Variants in CACNA1B observed in about 807,000 individuals in gnomAD.
The protein encoded by CACNA1B is calcium voltage-gated channel subunit alpha1 B.
A neutral mutation model predicts 247.2 loss-of-function variants in CACNA1B; 70 were observed. The observed-to-expected ratio is 0.28, with a 90% CI of 0.23 to 0.35. CACNA1B has a LOEUF of 0.35. Ranked by LOEUF, CACNA1B falls within the 10% of genes least tolerant of loss-of-function variation. CACNA1B has a pLI of 1.00. For missense variants in CACNA1B, 2,367 were observed against 3,197.4 expected (o/e 0.74, Z 6.26); for synonymous variants, 1,231 against 1,294.4 (o/e 0.95, Z 1.05).
chr9:137,930,541 G>A (rs1957596673), intron 6 of CACNA1B, among the ~76,000 whole-genome samples: 1 of 152,056 alleles, frequency 6.6e-6, no homozygotes, highest in Non-Finnish European at 1.5e-5. Context: ...TTATTTTGTG[G>A]GCACTTGGAA....
chr9:138,038,194 A>G lies in CACNA1B; in HGVS notation c.3287-5580A>G, dbSNP rs935951759. Among the ~76,000 whole-genome samples the G allele has an allele frequency of 2.6e-5, 4 of 152,142 alleles. No individual in the cohort carries two copies. In the East Asian group the frequency reaches 7.7e-4, roughly 29 times the overall value. On this transcript the variant is annotated intron_variant, in intron 20 of 46. Coordinates refer to ENST00000371372, the MANE Select transcript of CACNA1B (RefSeq NM_000718.4). ...TGACGTATTTCAGTTCTTTGCAATCACTATTACTTTTGGTGCTTAAATTGT... is the reference window on the plus strand; with the variant it reads ...TGACGTATTTCAGTTCTTTGCAATCGCTATTACTTTTGGTGCTTAAATTGT...
At chr9:137,939,625 C>T (rs1957708234) in intron 6 of CACNA1B, among the ~76,000 whole-genome samples, 1 of 151,578 alleles carries the variant, frequency 6.6e-6, no homozygotes, top group South Asian at 2.1e-4. Context: ...TGGTGAAACC[C>T]CGTCTCTACC....
intron 20 of CACNA1B, among the ~76,000 whole-genome samples, chr9:138,029,476 T>G (rs980331352): frequency 1.3e-5 from 2 of 152,210 alleles, no homozygotes; most frequent in Non-Finnish European, 2.9e-5. Context: ...TTAGAAATTA[T>G]CCATTTGATC....
rs200273878 is a variant in CACNA1B at position 137,971,415 on chromosome 9, G to A, written c.1366G>A (p.Gly456Arg). 15 of 1,613,304 alleles carry A rather than the reference G, an allele frequency of 9.3e-6. No homozygotes were observed. Among genetic ancestry groups the A allele is most frequent in the South Asian group, 3.3e-5 (3 of 90,888 alleles). Residue 456 changes from glycine to arginine, a missense_variant, in exon 11 of 47, where the codon GGG (glycine) becomes AGG (arginine). Coordinates refer to ENST00000371372, the MANE Select transcript of CACNA1B (RefSeq NM_000718.4). This position sits in a 1 kb window ranked among gnomAD's most constrained non-coding sequence, Gnocchi z 4.4. ...CTTCGCCCGCGCCAGCCTCAAGAGCGGGAAGACAGAGAGCTCGTCATACTT... is the reference window on the plus strand; with the variant it reads ...CTTCGCCCGCGCCAGCCTCAAGAGCAGGAAGACAGAGAGCTCGTCATACTT... ...SPFARASLKS[G>R]KTESSSYFRR...
rs1958669186 is a variant in CACNA1B at position 138,007,595 on chromosome 9, T to C, written c.2092+711T>C. 6.6e-6 allele frequency among the ~76,000 whole-genome samples: 1 copy of C among 152,078 alleles called. No homozygotes were observed. Among genetic ancestry groups the C allele is most frequent in the Admixed American group, 6.5e-5 (1 of 15,272 alleles). ...TCTCAAACTCATCTGGGCATCACAG[T>C]CCCCTGAGGGATGGTAAGCCTGGAT... On this transcript the variant is annotated intron_variant, in intron 16 of 46. Coordinates refer to ENST00000371372, the MANE Select transcript of CACNA1B (RefSeq NM_000718.4). The surrounding 1 kb of genome is among the most constrained non-coding windows in gnomAD (Gnocchi z 4.1).
intron 36 of CACNA1B, among the ~76,000 whole-genome samples, chr9:138,086,337 C>G (rs1048009229): frequency 1.3e-5 from 2 of 151,172 alleles, no homozygotes; most frequent in Non-Finnish European, 2.9e-5. Context: ...GCTATACTTA[C>G]ATCAGACAAA....
rs184252744 is a variant in CACNA1B at position 138,052,887 on chromosome 9, C to T, written c.3807+699C>T. ...TGTGCAGTGGTCATCCACAGTGTGC[C>T]AGGCTGCTTTGTGGGAGACGGTTGT... On this transcript the variant is annotated intron_variant, in intron 25 of 46. Coordinates refer to ENST00000371372, the MANE Select transcript of CACNA1B (RefSeq NM_000718.4). This position sits in a 1 kb window ranked among gnomAD's most constrained non-coding sequence, Gnocchi z 5.1. Among the ~76,000 whole-genome samples the T allele has an allele frequency of 2.9e-3, 449 of 152,340 alleles. 4 individuals carry two copies. Among genetic ancestry groups the T allele is most frequent in the African/African-American group, 9.7e-3 (405 of 41,582 alleles).
At chr9:138,022,491 G>A (rs1047824158) in intron 18 of CACNA1B, among the ~76,000 whole-genome samples, 9 of 152,146 alleles carry the variant, frequency 5.9e-5, no homozygotes, top group African/African-American at 2.2e-4. Context: ...CCTGCCTCCT[G>A]GAGGCAGCGA....
rs1958760344 is a variant in CACNA1B, at chr9:138,014,073, GGGT to G, written c.2267+840_2267+842del. Among the ~76,000 whole-genome samples the G allele has an allele frequency of 6.6e-6, 1 of 152,250 alleles. No individual in the cohort carries two copies. The highest frequency in any genetic ancestry group is 6.5e-5 in the Admixed American group (1 of 15,290). On this transcript the variant is annotated intron_variant, in intron 18 of 46. Coordinates refer to ENST00000371372, the MANE Select transcript of CACNA1B (RefSeq NM_000718.4). This position sits in a 1 kb window ranked among gnomAD's most constrained non-coding sequence, Gnocchi z 6.2. ...TGCCGTGAACACGGAACACAGGGCC[GGGT>G]GCAGCCACAGGTGCATCTGTAGTGA...
rs1258815811 is a variant in CACNA1B at position 138,050,493 on chromosome 9, C to G, written c.3710+1178C>G. Among the ~76,000 whole-genome samples the G allele has an allele frequency of 6.6e-6, 1 of 152,210 alleles. No individual in the cohort carries two copies. Among genetic ancestry groups the G allele is most frequent in the Non-Finnish European group, 1.5e-5 (1 of 68,030 alleles). ...CGGCATTCTTTCCTCTGTTTCCTCT[C>G]CACTCCAGCCCCCTGCAGTTCCCAC... On this transcript the variant is annotated intron_variant, in intron 24 of 46. Transcript: ENST00000371372. The surrounding 1 kb of genome is among the most constrained non-coding windows in gnomAD (Gnocchi z 5.2).
chr9:137,994,522 T>C (rs1054835009), intron 15 of CACNA1B, among the ~76,000 whole-genome samples: 2 of 152,222 alleles, frequency 1.3e-5, no homozygotes, highest in African/African-American at 4.8e-5. Flanking sequence ...ACAAAATTAA[T>C]GTACACAAAT....
intron 36 of CACNA1B, among the ~76,000 whole-genome samples, chr9:138,094,159 A>T (rs1485580032): frequency 6.6e-6 from 1 of 152,118 alleles, no homozygotes; most frequent in African/African-American, 2.4e-5. Flanking sequence ...TAGGTGAAAT[A>T]AGCTAGTCAC....
Position 138,000,354 on chromosome 9 carries a change from T to C in CACNA1B, c.1975-6413T>C, listed in dbSNP as rs569468449. ...ACCTCGTGATCAGCCCGCCTTGGCC[T>C]CCCAAAGTGCTGGGATTACAGACAT... On this transcript the variant is annotated intron_variant, in intron 15 of 46. Transcript: ENST00000371372. 1.8e-4 allele frequency among the ~76,000 whole-genome samples: 27 copies of C among 152,260 alleles called. No homozygotes were observed. In the South Asian group the frequency reaches 5.4e-3, roughly 30 times the overall value.
intron 20 of CACNA1B, among the ~76,000 whole-genome samples, chr9:138,031,392 A>G (rs1217614699): frequency 1.3e-5 from 2 of 152,066 alleles, no homozygotes; most frequent in Admixed American, 1.3e-4. Flanking sequence ...GTATTATTTC[A>G]GTTCTTTTAA....
chr9:138,100,751 T>C lies in CACNA1B; in HGVS notation c.5223-1960T>C, dbSNP rs1157056384. ...CTGTGATAGAGAAGCAGACCTGCCT[T>C]GCTGTGGTGGTGAGAAAGCCAGGCG... On this transcript the variant is annotated intron_variant, in intron 37 of 46. Transcript: ENST00000371372. The surrounding 1 kb of genome is among the most constrained non-coding windows in gnomAD (Gnocchi z 4.6). Among the ~76,000 whole-genome samples, 1 of 152,056 alleles carries C rather than the reference T, an allele frequency of 6.6e-6. No individual in the cohort carries two copies. Among genetic ancestry groups the C allele is most frequent in the Non-Finnish European group, 1.5e-5 (1 of 67,994 alleles).
At position 138,122,239 on chromosome 9, in the gene CACNA1B, A is replaced by C; in HGVS notation, c.*240A>C. ...TGCCTTCCTGGGTCTCGTACCACACACCAGACCCTAAACCGCAGGCTGCTG... is the reference window on the plus strand; with the variant it reads ...TGCCTTCCTGGGTCTCGTACCACACCCCAGACCCTAAACCGCAGGCTGCTG... On this transcript the variant is annotated 3_prime_UTR_variant, in exon 47 of 47. Transcript: ENST00000371372. The C allele has an allele frequency of 1.8e-6, 1 of 565,152 alleles. No individual in the cohort carries two copies. The highest frequency in any genetic ancestry group is 2.3e-5 in the South Asian group (1 of 44,134). The allele number at this position is 565,152 out of a possible 1,614,324, so 35.0% of individuals were successfully genotyped here. A position where few individuals can be genotyped will look rare whatever the true frequency, so the allele number is the denominator to read the frequency against.
At position 138,086,182 on chromosome 9, in the gene CACNA1B, A is replaced by G. The variant is rs1373292201; in HGVS notation, c.5094+7924A>G. Reference sequence around the variant, plus strand: ...GATTAAATTCCCTCACTTAAAGTATATAAACTGGCTGAATAGATTTTTTAA... The same window carrying G: ...GATTAAATTCCCTCACTTAAAGTATGTAAACTGGCTGAATAGATTTTTTAA... On this transcript the variant is annotated intron_variant, in intron 36 of 46. Coordinates refer to ENST00000371372, the MANE Select transcript of CACNA1B (RefSeq NM_000718.4). 2.0e-4 allele frequency among the ~76,000 whole-genome samples: 30 copies of G among 151,280 alleles called. 1 individual carries two copies. Among genetic ancestry groups the G allele is most frequent in the Admixed American group, 2.0e-3 (30 of 15,218 alleles).
intron 32 of CACNA1B, among the ~76,000 whole-genome samples, chr9:138,070,994 C>T (rs1589110676): frequency 6.6e-6 from 1 of 152,276 alleles, no homozygotes; most frequent in Admixed American, 6.5e-5. Context: ...CAAGCCCTCA[C>T]TTCCCTGTGA....
intron 16 of CACNA1B, 25 bp from the exon 17 acceptor site, chr9:138,009,985 C>T (rs1958703967): frequency 6.3e-7 from 1 of 1,599,636 alleles, no homozygotes; most frequent in Non-Finnish European, 8.6e-7. Context: ...GGCAGAGGTT[C>T]CCTTCCTCAG....
Sources: gnomAD v4.1 joint callset for allele counts (sites outside exome capture counted in the v4.1 genomes callset) on GRCh38, gnomAD v4.1.1 for gene constraint, Gnocchi (gnomAD v3.1) non-coding constraint, MANE v1.5 for transcripts, NCBI Gene and HGNC (gene_info 2026-07-23, HGNC 2026-07-21) for gene names.